The following PHF24 variants were observed in gnomAD, a reference collection of about 807,000 sequenced individuals.
The protein encoded by PHF24 is PHD finger protein 24, also known as Galpha inhibitory interacting protein.
Under a neutral mutation model 42.6 loss-of-function variants are expected in PHF24, and 25 were observed. That is an observed-to-expected ratio of 0.59 (90% CI 0.43 to 0.82). The LOEUF (loss-of-function observed/expected upper bound fraction) is 0.82, where lower values mean the gene tolerates loss of function less well. Ranked by LOEUF, PHF24 falls within the 40% of genes least tolerant of loss-of-function variation. The pLI, the probability that PHF24 is intolerant of heterozygous loss-of-function variation, is 0.00. For synonymous variants in PHF24, 185 were observed against 204.8 expected (o/e 0.90, Z 0.83); for missense variants, 470 against 538.1 (o/e 0.87, Z 1.25).
At chr9:34,741,651 C>T in the PHF24 span, among the ~76,000 whole-genome samples, 412 of 152,238 alleles carry the variant, frequency 2.7e-3, no homozygotes, top group Non-Finnish European at 3.6e-3. Flanking sequence ...CATGAGCCAC[C>T]GCACCTGGCC....
chr9:34,839,025 C>T, the PHF24 span, among the ~76,000 whole-genome samples: 3 of 151,980 alleles, frequency 2.0e-5, no homozygotes, highest in African/African-American at 4.8e-5. Flanking sequence ...AACAGAGGTG[C>T]GGGAAGGGGA....
the PHF24 span, among the ~76,000 whole-genome samples, chr9:34,840,543 C>G: frequency 7.1e-6 from 1 of 141,354 alleles, no homozygotes; most frequent in Non-Finnish European, 1.6e-5. Flanking sequence ...CTCCTTCCTT[C>G]TTCTTCTTCT....
the PHF24 span, among the ~76,000 whole-genome samples, chr9:34,813,007 C>T: frequency 1.3e-5 from 2 of 152,200 alleles, no homozygotes; most frequent in Non-Finnish European, 2.9e-5. Flanking sequence ...TAAAAATCTG[C>T]CACTCACATA....
the PHF24 span, among the ~76,000 whole-genome samples, chr9:34,751,091 G>A: frequency 6.6e-6 from 1 of 152,178 alleles, no homozygotes; most frequent in Non-Finnish European, 1.5e-5. Flanking sequence ...TTGGCTGGGT[G>A]CAGTGGCTCA....
At chr9:34,756,582 T>C in the PHF24 span, among the ~76,000 whole-genome samples, 1 of 152,212 alleles carries the variant, frequency 6.6e-6, no homozygotes, top group African/African-American at 2.4e-5. Flanking sequence ...GTGTCACCTT[T>C]ATGGTAGTGC....
At chr9:34,976,493 T>C (rs1827189581) in intron 4 of PHF24, 42 bp from the exon 5 acceptor site, 4 of 1,583,516 alleles carry the variant, frequency 2.5e-6, no homozygotes, top group Non-Finnish European at 2.6e-6. Context: ...GCCCTGAGGC[T>C]GAGGAAGGAT....
At chr9:34,825,365 C>T in the PHF24 span, among the ~76,000 whole-genome samples, 3 of 148,532 alleles carry the variant, frequency 2.0e-5, no homozygotes, top group Non-Finnish European at 4.4e-5. Context: ...GAAACCAAAA[C>T]TATCCTATTA....
the PHF24 span, chr9:34,917,434 G>C: frequency 1.3e-6 from 1 of 768,732 alleles, no homozygotes. Context: ...CTATGTTTAA[G>C]GACCCTTTCC....
the PHF24 span, among the ~76,000 whole-genome samples, chr9:34,759,913 T>G: frequency 6.6e-6 from 1 of 152,146 alleles, no homozygotes; most frequent in Non-Finnish European, 1.5e-5. Context: ...TTAGCATAGG[T>G]TTATTTACTG....
At chr9:34,885,965 C>A in the PHF24 span, among the ~76,000 whole-genome samples, 29 of 152,090 alleles carry the variant, frequency 1.9e-4, no homozygotes, top group African/African-American at 6.7e-4. Context: ...CCCTTCCTAG[C>A]TCCTCACTCG....
intron 3 of PHF24, 115 bp downstream of exon 3, chr9:34,972,646 T>C (rs1025217074): frequency 4.0e-6 from 4 of 988,292 alleles, no homozygotes; most frequent in Non-Finnish European, 5.8e-6. Context: ...CTGGGCGCGG[T>C]GGCTCATGCC....
At chr9:34,889,033 C>T in the PHF24 span, 1 of 398,490 alleles carries the variant, frequency 2.5e-6, no homozygotes, top group Non-Finnish European at 4.4e-6. Flanking sequence ...TCATATACCA[C>T]ATTGAAAATG....
chr9:34,677,387 C>CTGTTTTTTTTTTTTTTT, the PHF24 span, among the ~76,000 whole-genome samples: 1 of 110,946 alleles, frequency 9.0e-6, no homozygotes, highest in Non-Finnish European at 1.9e-5. Flanking sequence ...TCTTTGTAAA[C>CTGTTTTTTTTTTTTTTT]TGTTTTTTTT....
At chr9:34,969,514 G>A (rs905973055) in intron 1 of PHF24, among the ~76,000 whole-genome samples, 1 of 151,988 alleles carries the variant, frequency 6.6e-6, no homozygotes, top group African/African-American at 2.4e-5. Context: ...GGTGGCATGT[G>A]CCTGTAGTCC....
the PHF24 span, among the ~76,000 whole-genome samples, chr9:34,911,373 C>A: frequency 2.6e-5 from 4 of 152,140 alleles, no homozygotes; most frequent in African/African-American, 9.7e-5. Flanking sequence ...TCTGCCTCAG[C>A]CTCCCAAGTA....
chr9:34,764,833 A>C, the PHF24 span, among the ~76,000 whole-genome samples: 252 of 151,710 alleles, frequency 1.7e-3, no homozygotes, highest in African/African-American at 5.9e-3. Context: ...TCTTGTGGGC[A>C]TTTAGTGCTA....
chr9:34,703,231 A>G, the PHF24 span, among the ~76,000 whole-genome samples: 4 of 151,888 alleles, frequency 2.6e-5, no homozygotes, highest in Admixed American at 1.3e-4. Flanking sequence ...CTGGAGCGCA[A>G]TGGTGTGACC....
At chr9:34,751,870 A>G in the PHF24 span, among the ~76,000 whole-genome samples, 13,531 of 152,236 alleles carry the variant, frequency 0.089, 1,769 homozygotes, top group African/African-American at 0.28. Context: ...GCACAATGGA[A>G]TAAAACTAGA....
At chr9:34,710,279 T>C in the PHF24 span, among the ~76,000 whole-genome samples, 1 of 152,214 alleles carries the variant, frequency 6.6e-6, no homozygotes, top group Non-Finnish European at 1.5e-5. Context: ...AGTCCTCAGC[T>C]GCCAAATTTT....
Sources: allele counts gnomAD v4.1 joint callset (sites outside exome capture counted in the v4.1 genomes callset), GRCh38; gene constraint gnomAD v4.1.1; transcripts MANE v1.5; gene names NCBI Gene and HGNC (gene_info 2026-07-23, HGNC 2026-07-21).